GPATCH2: variants seen among roughly 807,000 people sequenced by gnomAD.
GPATCH2 encodes the protein G patch domain-containing protein 2.
Under a neutral mutation model 58.0 loss-of-function variants are expected in GPATCH2, and 51 were observed. The ratio of observed to expected loss-of-function variants is 0.88; its 90% confidence interval spans 0.70 to 1.11. GPATCH2 has a LOEUF of 1.11. Among genes scored for constraint, GPATCH2 ranks in the 50% most tolerant of loss-of-function variants. The pLI is 0.00. For missense variants in GPATCH2, 625 were observed against 652.2 expected, an observed-to-expected ratio of 0.96 and a Z score of 0.45; for synonymous variants, 222 against 218.5, an observed-to-expected ratio of 1.02 and a Z score of -0.14.
At chr1:217,480,620 T>C (rs1208462489) in intron 8 of GPATCH2, among the ~76,000 whole-genome samples, 1 of 152,140 alleles carries the variant, frequency 6.6e-6, no homozygotes, top group African/African-American at 2.4e-5. Context: ...TACCATATGA[T>C]CCAGCAATCC....
chr1:217,549,338 T>C (rs1571901141), intron 5 of GPATCH2, among the ~76,000 whole-genome samples: 1 of 152,230 alleles, frequency 6.6e-6, no homozygotes, highest in South Asian at 2.1e-4. Flanking sequence ...CTCCCTCATG[T>C]TCCATATATC....
chr1:217,566,816 TTAAAA>T lies in GPATCH2; in HGVS notation c.1098+43500_1098+43504del, dbSNP rs1302108620. ...TTGAATTTAATACAAAAGTAGACAG[TTAAAA>T]TAGAATATAGACTGTTTTGCTACTG... On this transcript the variant is annotated intron_variant, in intron 5 of 9. Transcript: ENST00000366935. Among the ~76,000 whole-genome samples, 4 of 152,280 alleles carry T rather than the reference TTAAAA, an allele frequency of 2.6e-5. No individual in the cohort carries two copies. The East Asian group carries it at 7.7e-4, about 29-fold the overall frequency.
chr1:217,595,128 T>C (rs572569823), intron 5 of GPATCH2, among the ~76,000 whole-genome samples: 3 of 152,272 alleles, frequency 2.0e-5, no homozygotes, highest in South Asian at 4.1e-4. Flanking sequence ...AGAAGCTATA[T>C]GAGGAAGAAG....
intron 5 of GPATCH2, among the ~76,000 whole-genome samples, chr1:217,564,150 CAA>C (rs1391847452): frequency 6.8e-6 from 1 of 147,210 alleles, no homozygotes; most frequent in Non-Finnish European, 1.5e-5. Context: ...TCAAAGAGTT[CAA>C]AAAGTTTCTT....
chr1:217,505,337 A>G (rs1662497672), intron 6 of GPATCH2, among the ~76,000 whole-genome samples: 1 of 152,202 alleles, frequency 6.6e-6, no homozygotes, highest in South Asian at 2.1e-4. Context: ...ACAGTAGAGC[A>G]GTTGTGGTTG....
chr1:217,536,429 C>T (rs898689382), intron 5 of GPATCH2, among the ~76,000 whole-genome samples: 4 of 152,260 alleles, frequency 2.6e-5, no homozygotes, highest in African/African-American at 9.6e-5. Flanking sequence ...CATTCTTTTG[C>T]TTCTTATTTT....
intron 8 of GPATCH2, among the ~76,000 whole-genome samples, chr1:217,477,492 C>T (rs1661018877): frequency 6.6e-6 from 1 of 152,158 alleles, no homozygotes; most frequent in African/African-American, 2.4e-5. Flanking sequence ...GGGGAGCCCA[C>T]TGCCCTGAAG....
intron 5 of GPATCH2, among the ~76,000 whole-genome samples, chr1:217,578,504 G>C (rs112800952): frequency 1.3e-5 from 2 of 152,062 alleles, no homozygotes; most frequent in Non-Finnish European, 1.5e-5. Flanking sequence ...CTCCCACCTC[G>C]GTATCCTAAA....
chr1:217,611,091 C>T lies in GPATCH2; in HGVS notation c.836-20G>A, dbSNP rs766389627. The T allele has an allele frequency of 6.3e-7, 1 of 1,583,070 alleles. No homozygotes were observed. The highest frequency in any genetic ancestry group is 8.6e-7 in the Non-Finnish European group (1 of 1,162,052). ...CATCACCTGTGCAAATACAAGAAACCCCCCCCCACCAAAGACTCAGTTTTA... is the reference window on the plus strand; with the variant it reads ...CATCACCTGTGCAAATACAAGAAACTCCCCCCCACCAAAGACTCAGTTTTA... On this transcript the variant is annotated intron_variant, in intron 3 of 9. Transcript: ENST00000366935.
chr1:217,603,184 A>G lies in GPATCH2; in HGVS notation c.1098+7137T>C, dbSNP rs934515473. On this transcript the variant is annotated intron_variant, in intron 5 of 9. Transcript: ENST00000366935. ...AGGTTCCATATTTCTGAAGCATCAC[A>G]AACCCAAATGACAATGAAGTCTATG... Among the ~76,000 whole-genome samples the G allele has an allele frequency of 1.3e-4, 20 of 152,184 alleles. 1 individual carries two copies. Among genetic ancestry groups the G allele is most frequent in the Non-Finnish European group, 8.8e-5 (6 of 68,022 alleles).
At chr1:217,482,130 C>A (rs1020584473) in intron 8 of GPATCH2, among the ~76,000 whole-genome samples, 2 of 152,160 alleles carry the variant, frequency 1.3e-5, no homozygotes, top group East Asian at 3.9e-4. Flanking sequence ...GGAAGTCAGG[C>A]ACCTCAGTTC....
rs899279361 is a variant in GPATCH2 at position 217,428,891 on chromosome 1, G to T, written c.*2254C>A. ...AAGGACTGCAATATTTAATGAAGAAGTTCCTATACACTAGTCTGGTGTATA... is the reference window on the plus strand; with the variant it reads ...AAGGACTGCAATATTTAATGAAGAATTTCCTATACACTAGTCTGGTGTATA... On this transcript the variant is annotated 3_prime_UTR_variant, in exon 10 of 10. Coordinates refer to ENST00000366935, the MANE Select transcript of GPATCH2 (RefSeq NM_018040.5). 6.6e-6 allele frequency: 1 copy of T among 152,160 alleles called. No individual in the cohort carries two copies. The highest frequency in any genetic ancestry group is 1.5e-5 in the Non-Finnish European group (1 of 68,032). The allele number at this position is 152,160 out of a possible 1,614,324, so 9.4% of individuals were successfully genotyped here.
chr1:217,616,309 A>C (rs954868), intron 2 of GPATCH2, among the ~76,000 whole-genome samples: 91,713 of 151,934 alleles, frequency 0.6, 28,657 homozygotes, highest in African/African-American at 0.68. Flanking sequence ...ATTACTTCAA[A>C]ACTTGTTGAA....
intron 5 of GPATCH2, among the ~76,000 whole-genome samples, chr1:217,604,113 G>A (rs530861622): frequency 3.8e-4 from 58 of 152,172 alleles, no homozygotes; most frequent in Non-Finnish European, 7.1e-4. Context: ...TACTTTGGGA[G>A]GGCGAGGTGG....
At position 217,508,743 on chromosome 1, in the gene GPATCH2, G is replaced by A. The variant is rs559941412; in HGVS notation, c.1166+6079C>T. On this transcript the variant is annotated intron_variant, in intron 6 of 9. Transcript: ENST00000366935. Reference sequence around the variant, plus strand: ...AATAATTAAAAGAGAATTTCAAAACGTAGGTTACTTTTACTGAGAAATTAG... The same window carrying A: ...AATAATTAAAAGAGAATTTCAAAACATAGGTTACTTTTACTGAGAAATTAG... Among the ~76,000 whole-genome samples the A allele has an allele frequency of 6.6e-5, 10 of 151,882 alleles. No homozygotes were observed. The South Asian group carries it at 1.0e-3, about 16-fold the overall frequency.
At chr1:217,606,830 T>C (rs961354430) in intron 5 of GPATCH2, among the ~76,000 whole-genome samples, 6 of 152,214 alleles carry the variant, frequency 3.9e-5, no homozygotes, top group African/African-American at 1.4e-4. Context: ...GCTATTGTGT[T>C]TAATATATCT....
chr1:217,518,527 C>T (rs1478178239), intron 5 of GPATCH2, among the ~76,000 whole-genome samples: 1 of 151,974 alleles, frequency 6.6e-6, no homozygotes, highest in Non-Finnish European at 1.5e-5. Flanking sequence ...ATTATCAAAC[C>T]CAATGCATGC....
intron 5 of GPATCH2, among the ~76,000 whole-genome samples, chr1:217,552,693 T>C (rs1665423812): frequency 6.6e-6 from 1 of 152,192 alleles, no homozygotes; most frequent in Non-Finnish European, 1.5e-5. Context: ...TATTTTCATG[T>C]GGCCACTACT....
Position 217,620,127 on chromosome 1 carries a change from C to T in GPATCH2, c.429G>A (p.Trp143Ter), listed in dbSNP as rs562117864. The T allele has an allele frequency of 6.2e-6, 10 of 1,614,068 alleles. No homozygotes were observed. The Admixed American group carries it at 1.0e-4, about 16-fold the overall frequency. The change falls in exon 2 of 10, where the codon TGG (tryptophan) becomes TGA (stop). Residue 143 changes from tryptophan to a stop codon, truncating the protein, a stop_gained. Transcript: ENST00000366935. LOFTEE classifies it high-confidence loss of function. ...TGTCCACAGCAAAATCAGACTCATG[C>T]CATAGAGGTCTTTTCCCTCGAACAT... ...NNNVRGKRPL[W>*]HESDFAVDNV...
Sources: gnomAD v4.1 joint callset for allele counts (sites outside exome capture counted in the v4.1 genomes callset) on GRCh38, gnomAD v4.1.1 for gene constraint, MANE v1.5 for transcripts, NCBI Gene and HGNC (gene_info 2026-07-23, HGNC 2026-07-21) for gene names.